Variants in HIBADH observed in about 807,000 individuals in gnomAD.
HIBADH encodes the protein 3-hydroxyisobutyrate dehydrogenase, mitochondrial.
A neutral mutation model predicts 36.1 loss-of-function variants in HIBADH; 25 were observed. The ratio of observed to expected loss-of-function variants is 0.69; its 90% confidence interval spans 0.50 to 0.97. The LOEUF is 0.97. Among genes scored for constraint, HIBADH ranks in the 50% least tolerant of loss-of-function variants. HIBADH has a pLI of 0.00. For missense variants in HIBADH, 421 were observed against 418.0 expected, an observed-to-expected ratio of 1.01 and a Z score of -0.06; for synonymous variants, 160 against 149.5, an observed-to-expected ratio of 1.07 and a Z score of -0.51.
chr7:27,582,982 A>G (rs943167127), intron 4 of HIBADH, among the ~76,000 whole-genome samples: 2 of 152,124 alleles, frequency 1.3e-5, no homozygotes, highest in African/African-American at 2.4e-5. Flanking sequence ...TAAAGTACTC[A>G]GCAATTTTAC....
At chr7:27,610,047 G>C (rs1310160887) in intron 4 of HIBADH, among the ~76,000 whole-genome samples, 1 of 151,960 alleles carries the variant, frequency 6.6e-6, no homozygotes, top group Non-Finnish European at 1.5e-5. Context: ...TCAAACTCTT[G>C]ATCTCAGGTG....
chr7:27,538,292 T>A, intron 6 of HIBADH, 49 bp downstream of exon 6: 1 of 1,357,346 alleles, frequency 7.4e-7, no homozygotes, highest in Non-Finnish European at 1.0e-6. Flanking sequence ...GAAAATCAAA[T>A]AGGAAAGCCT....
At chr7:27,644,626 G>A (rs555032568) in intron 2 of HIBADH, among the ~76,000 whole-genome samples, 2 of 149,150 alleles carry the variant, frequency 1.3e-5, no homozygotes, top group East Asian at 2.0e-4. Flanking sequence ...TTAGCTGGGC[G>A]TGGTGGCGCG....
chr7:27,608,659 A>G (rs1381568780), intron 4 of HIBADH, among the ~76,000 whole-genome samples: 1 of 152,228 alleles, frequency 6.6e-6, no homozygotes, highest in Non-Finnish European at 1.5e-5. Flanking sequence ...CATATAATAC[A>G]TAGAGTATAC....
chr7:27,623,889 C>G (rs1457975792), intron 4 of HIBADH, among the ~76,000 whole-genome samples: 1 of 152,182 alleles, frequency 6.6e-6, no homozygotes. Flanking sequence ...CCTCTACCTC[C>G]CGAGCTCAAG....
intron 4 of HIBADH, among the ~76,000 whole-genome samples, chr7:27,583,797 T>C (rs910258890): frequency 6.6e-6 from 1 of 152,010 alleles, no homozygotes; most frequent in Non-Finnish European, 1.5e-5. Context: ...GTGGATTATA[T>C]CTATTGGTAT....
intron 4 of HIBADH, among the ~76,000 whole-genome samples, chr7:27,585,839 T>A (rs1383955581): frequency 6.6e-6 from 1 of 152,158 alleles, no homozygotes; most frequent in African/African-American, 2.4e-5. Context: ...TCTAGGTACA[T>A]GATTTTTTTT....
At chr7:27,538,988 G>A (rs1020889988) in intron 5 of HIBADH, among the ~76,000 whole-genome samples, 31 of 152,134 alleles carry the variant, frequency 2.0e-4, no homozygotes, top group African/African-American at 7.5e-4. Context: ...TGTTGCTGGA[G>A]ATCAGTAAGA....
intron 2 of HIBADH, among the ~76,000 whole-genome samples, chr7:27,648,257 A>T (rs1013524505): frequency 2.0e-5 from 3 of 152,170 alleles, no homozygotes; most frequent in African/African-American, 7.2e-5. Flanking sequence ...ACATTAATTA[A>T]GCCTGTAAGC....
chr7:27,581,468 T>C (rs1784788015), intron 4 of HIBADH, among the ~76,000 whole-genome samples: 1 of 152,188 alleles, frequency 6.6e-6, no homozygotes, highest in South Asian at 2.1e-4. Context: ...CTATAATTGC[T>C]TATCTTCCTA....
intron 4 of HIBADH, among the ~76,000 whole-genome samples, chr7:27,611,060 A>G (rs527305856): frequency 1.2e-4 from 18 of 152,246 alleles, no homozygotes; most frequent in Non-Finnish European, 2.4e-4. Flanking sequence ...CAAACAAATT[A>G]CTAAAACTTA....
intron 2 of HIBADH, among the ~76,000 whole-genome samples, chr7:27,645,232 C>T (rs1658414528): frequency 6.6e-6 from 1 of 152,086 alleles, no homozygotes; most frequent in South Asian, 2.1e-4. Context: ...AACTCCCAAA[C>T]TCTTTCCCAA....
intron 4 of HIBADH, among the ~76,000 whole-genome samples, chr7:27,608,701 T>C (rs774606594): frequency 3.9e-5 from 6 of 152,148 alleles, no homozygotes; most frequent in Non-Finnish European, 5.9e-5. Flanking sequence ...TAGAAATCAA[T>C]AGATGTTAAA....
At chr7:27,558,067 A>T (rs1784418824) in intron 4 of HIBADH, among the ~76,000 whole-genome samples, 1 of 151,982 alleles carries the variant, frequency 6.6e-6, no homozygotes, top group East Asian at 1.9e-4. Context: ...CCACAAACTT[A>T]TAATTCCTTA....
At chr7:27,583,844 T>C (rs1784824239) in intron 4 of HIBADH, among the ~76,000 whole-genome samples, 1 of 152,018 alleles carries the variant, frequency 6.6e-6, no homozygotes, top group African/African-American at 2.4e-5. Flanking sequence ...TTTAAAAACA[T>C]TTCTCAATTG....
intron 4 of HIBADH, among the ~76,000 whole-genome samples, chr7:27,585,114 TATAA>T (rs1004937098): frequency 8.0e-4 from 122 of 152,168 alleles, no homozygotes; most frequent in African/African-American, 2.7e-3. Context: ...TTTATAGACC[TATAA>T]ATATAGAGCT....
At chr7:27,586,226 A>G (rs908235505) in intron 4 of HIBADH, among the ~76,000 whole-genome samples, 1 of 152,256 alleles carries the variant, frequency 6.6e-6, no homozygotes, top group African/African-American at 2.4e-5. Flanking sequence ...CATTCTTTCC[A>G]TTCCAACTGA....
At chr7:27,610,519 T>A (rs1463958351) in intron 4 of HIBADH, among the ~76,000 whole-genome samples, 1 of 152,146 alleles carries the variant, frequency 6.6e-6, no homozygotes. Flanking sequence ...TCATTGTGTG[T>A]AACAAAAATA....
chr7:27,556,311 C>T (rs894532732), intron 4 of HIBADH, among the ~76,000 whole-genome samples: 1 of 152,086 alleles, frequency 6.6e-6, no homozygotes, highest in Non-Finnish European at 1.5e-5. Flanking sequence ...GATTCTTGGT[C>T]TTTTTCTTGT....
Sources: allele counts gnomAD v4.1 joint callset (sites outside exome capture counted in the v4.1 genomes callset), GRCh38; gene constraint gnomAD v4.1.1; transcripts MANE v1.5; gene names NCBI Gene and HGNC (gene_info 2026-07-23, HGNC 2026-07-21).